The following KMT5B variants were observed in gnomAD, a reference collection of about 807,000 sequenced individuals.
KMT5B encodes lysine methyltransferase 5B.
Under a neutral mutation model 83.2 loss-of-function variants are expected in KMT5B, and 10 were observed. That is an observed-to-expected ratio of 0.12 (90% CI 0.07 to 0.20). The LOEUF (loss-of-function observed/expected upper bound fraction) is 0.20. Among genes scored for constraint, KMT5B ranks in the 10% least tolerant of loss-of-function variants. KMT5B has a pLI of 1.00. For missense variants in KMT5B, 753 were observed against 1,067.2 expected (o/e 0.71, Z 4.10); for synonymous variants, 349 against 388.8 (o/e 0.90, Z 1.20).
At chr11:68,185,263 T>A (rs1005382008) in intron 3 of KMT5B, among the ~76,000 whole-genome samples, 1 of 152,192 alleles carries the variant, frequency 6.6e-6, no homozygotes, top group South Asian at 2.1e-4. Flanking sequence ...TGGAGTGCAA[T>A]GGCACGATCT....
intron 4 of KMT5B, among the ~76,000 whole-genome samples, chr11:68,178,356 A>T (rs749459790): frequency 7.2e-5 from 11 of 152,188 alleles, no homozygotes; most frequent in Admixed American, 4.6e-4. Flanking sequence ...ATAATGCCAA[A>T]CAATTTACAT....
chr11:68,199,400 G>C (rs996458483), intron 1 of KMT5B, among the ~76,000 whole-genome samples: 2 of 152,284 alleles, frequency 1.3e-5, no homozygotes, highest in Middle Eastern at 3.4e-3. Flanking sequence ...GGGACAGCCA[G>C]GCATCAGGCA....
chr11:68,200,253 AGAG>A (rs1479551081), intron 1 of KMT5B, among the ~76,000 whole-genome samples: 1 of 152,232 alleles, frequency 6.6e-6, no homozygotes, highest in Non-Finnish European at 1.5e-5. Context: ...GTATAGGTCA[AGAG>A]GAGGAGAAGC....
intron 9 of KMT5B, 45 bp from the exon 10 acceptor site, chr11:68,167,223 CT>C: frequency 6.4e-7 from 1 of 1,551,904 alleles, no homozygotes; most frequent in East Asian, 2.4e-5. Context: ...AACACACTTT[CT>C]TATAATAAGC....
chr11:68,163,264 T>C (rs142022371), intron 10 of KMT5B, among the ~76,000 whole-genome samples: 72 of 152,304 alleles, frequency 4.7e-4, no homozygotes, highest in African/African-American at 1.7e-3. Context: ...TTCATCCTAA[T>C]GAACGCCGTT....
At chr11:68,163,453 G>C (rs182213099) in intron 10 of KMT5B, among the ~76,000 whole-genome samples, 4 of 152,146 alleles carry the variant, frequency 2.6e-5, no homozygotes, top group Admixed American at 6.5e-5. Context: ...CTCAACTTAC[G>C]GGTAAAGGCC....
chr11:68,172,303 G>C (rs112657037), intron 6 of KMT5B, among the ~76,000 whole-genome samples: 1 of 152,094 alleles, frequency 6.6e-6, no homozygotes, highest in Non-Finnish European at 1.5e-5. Flanking sequence ...CGTGATCTCA[G>C]CTCACTGCAA....
In KMT5B at chr11:68,195,509, G is replaced by A. The variant is rs79614522; in HGVS notation, c.-76-5357C>T. On this transcript the variant is annotated intron_variant, in intron 1 of 10. Coordinates refer to ENST00000304363, the MANE Select transcript of KMT5B (RefSeq NM_017635.5). ...TTGCAAGTCACACTCTTATCTCCAG[G>A]GCCTGGGAAGGTAGGTGATTTAAGC... Among the ~76,000 whole-genome samples the A allele has an allele frequency of 6.4e-3, 978 of 152,274 alleles. 12 individuals carry two copies. Among genetic ancestry groups the A allele is most frequent in the African/African-American group, 0.022 (911 of 41,534 alleles).
chr11:68,166,760 GT>G, intron 10 of KMT5B: 1 of 1,383,100 alleles, frequency 7.2e-7, no homozygotes, highest in Non-Finnish European at 9.3e-7. Context: ...AGTTACCAAG[GT>G]ATTCAAGAAA....
rs764201382 is a variant in KMT5B at position 68,158,329 on chromosome 11, C to A, written c.2017G>T (p.Val673Phe). The A allele has an allele frequency of 6.2e-7, 1 of 1,614,168 alleles. No homozygotes were observed. The highest frequency in any genetic ancestry group is 8.5e-7 in the Non-Finnish European group (1 of 1,180,014). Residue 673 changes from valine (V) to phenylalanine (F), a missense_variant, in exon 11 of 11, where the codon GTC (valine) becomes TTC (phenylalanine). Coordinates refer to ENST00000304363, the MANE Select transcript of KMT5B (RefSeq NM_017635.5). The part of the protein sequence containing the change: ...VSYTDCAPSP[V>F]GCSVVTSDSF... Reference sequence around the variant, plus strand: ...TCTGATGTCACAACTGAACAACCGACGGGTGAAGGAGCACAGTCTGTGTAG... The same window carrying A: ...TCTGATGTCACAACTGAACAACCGAAGGGTGAAGGAGCACAGTCTGTGTAG...
chr11:68,194,289 T>C (rs1443169591), intron 1 of KMT5B, among the ~76,000 whole-genome samples: 1 of 151,446 alleles, frequency 6.6e-6, no homozygotes, highest in Non-Finnish European at 1.5e-5. Flanking sequence ...CCTCCCAGGT[T>C]CAAGCTATTC....
At chr11:68,194,167 T>G (rs1858424753) in intron 1 of KMT5B, among the ~76,000 whole-genome samples, 1 of 150,936 alleles carries the variant, frequency 6.6e-6, no homozygotes, top group Non-Finnish European at 1.5e-5. Context: ...TCCTAGCACT[T>G]CGGGAGAGCA....
At chr11:68,193,025 C>A (rs968669612) in intron 1 of KMT5B, among the ~76,000 whole-genome samples, 8 of 152,140 alleles carry the variant, frequency 5.3e-5, no homozygotes, top group Admixed American at 2.0e-4. Context: ...ACACTCACTA[C>A]TAATGGAATG....
chr11:68,157,670 C>T lies in KMT5B; in HGVS notation c.*18G>A, dbSNP rs1198575962. On this transcript the variant is annotated 3_prime_UTR_variant, in exon 11 of 11. Transcript: ENST00000304363. ...TTTCTTTAAAGTAGTTATCCCAGGT[C>T]AAGTTAAGACCAAGAGCTTAGGCAT... The T allele has an allele frequency of 1.3e-6, 2 of 1,516,374 alleles. No homozygotes were observed. The highest frequency in any genetic ancestry group is 2.3e-5 in the East Asian group (1 of 43,816). 93.9% of individuals were successfully genotyped at this position (1,516,374 alleles called of 1,614,324 possible).
intron 1 of KMT5B, among the ~76,000 whole-genome samples, chr11:68,207,908 C>G (rs1860362938): frequency 6.6e-6 from 1 of 150,910 alleles, no homozygotes; most frequent in African/African-American, 2.4e-5. Context: ...GGCACGATCT[C>G]TGCTCACTGC....
intron 1 of KMT5B, among the ~76,000 whole-genome samples, chr11:68,209,935 C>G (rs1860667080): frequency 6.6e-6 from 1 of 151,096 alleles, no homozygotes; most frequent in Non-Finnish European, 1.5e-5. Context: ...GGAGCCATCT[C>G]TGCTCACTGC....
intron 2 of KMT5B, among the ~76,000 whole-genome samples, chr11:68,188,945 C>T (rs1368595759): frequency 6.6e-6 from 1 of 152,186 alleles, no homozygotes; most frequent in Admixed American, 6.5e-5. Flanking sequence ...TCTTCCTACT[C>T]TTGTCCCAAG....
chr11:68,195,776 G>A (rs1286501134), intron 1 of KMT5B, among the ~76,000 whole-genome samples: 1 of 152,122 alleles, frequency 6.6e-6, no homozygotes, highest in Non-Finnish European at 1.5e-5. Context: ...AAAGAACACA[G>A]AGCAGAATAT....
At position 68,180,153 on chromosome 11, in the gene KMT5B, A is replaced by T. The variant is rs1037701324; in HGVS notation, c.356T>A (p.Phe119Tyr). ...SSRHFSKSDSFSHNNPVRFRP... is the reference protein window; with the variant it reads ...SSRHFSKSDSYSHNNPVRFRP... ...CTACCTCACAGGGTTGTTGTGAGAAAAACTGTCAGATTTTGAAAAATGCCT... is the reference window on the plus strand; with the variant it reads ...CTACCTCACAGGGTTGTTGTGAGAATAACTGTCAGATTTTGAAAAATGCCT... Residue 119 changes from phenylalanine (F) to tyrosine (Y), a missense_variant, in exon 4 of 11, where the codon TTT becomes TAT. Phe to Tyr is a conservative substitution (Grantham distance 22, BLOSUM62 3). Transcript: ENST00000304363. 6.3e-7 allele frequency: 1 copy of T among 1,582,166 alleles called. No homozygotes were observed. The highest frequency in any genetic ancestry group is 8.7e-7 in the Non-Finnish European group (1 of 1,155,366).
Sources: allele counts gnomAD v4.1 joint callset (sites outside exome capture counted in the v4.1 genomes callset), GRCh38; gene constraint gnomAD v4.1.1; transcripts MANE v1.5; gene names NCBI Gene and HGNC (gene_info 2026-07-23, HGNC 2026-07-21).